The following ATP8B4 variants were observed in gnomAD, a reference collection of about 807,000 sequenced individuals.
ATP8B4 encodes the protein ATPase phospholipid transporting 8B4 (putative).
A neutral mutation model predicts 145.6 loss-of-function variants in ATP8B4; 133 were observed. That is an observed-to-expected ratio of 0.91 (90% CI 0.79 to 1.05). ATP8B4 has a LOEUF of 1.05. Among genes scored for constraint, ATP8B4 ranks in the 50% least tolerant of loss-of-function variants. The probability of loss-of-function intolerance (pLI) is 0.00; values close to 1 mark genes in which losing one functional copy is unlikely to be tolerated. For synonymous variants in ATP8B4, 507 were observed against 492.9 expected, an observed-to-expected ratio of 1.03 and a Z score of -0.38; for missense variants, 1,458 against 1,425.2, an observed-to-expected ratio of 1.02 and a Z score of -0.37.
intron 1 of ATP8B4, among the ~76,000 whole-genome samples, chr15:50,153,411 T>C (rs2044371258): frequency 6.6e-6 from 1 of 150,972 alleles, no homozygotes; most frequent in Non-Finnish European, 1.5e-5. Flanking sequence ...CGATCTCAGC[T>C]CACTGCAACC....
intron 5 of ATP8B4, among the ~76,000 whole-genome samples, chr15:50,040,481 T>C (rs544798111): frequency 6.6e-6 from 1 of 152,354 alleles, no homozygotes; most frequent in African/African-American, 2.4e-5. Flanking sequence ...CTCTGTGTTT[T>C]GCCAAGACCC....
intron 10 of ATP8B4, among the ~76,000 whole-genome samples, chr15:49,986,934 T>C (rs2046657838): frequency 7.8e-6 from 1 of 128,458 alleles, no homozygotes. Flanking sequence ...GAAAAAGCTA[T>C]GGAGTATAAA....
intron 6 of ATP8B4, among the ~76,000 whole-genome samples, chr15:50,022,406 G>C (rs537520698): frequency 6.6e-6 from 1 of 152,246 alleles, no homozygotes; most frequent in East Asian, 1.9e-4. Flanking sequence ...CAAACTGTGA[G>C]TTATGAAAAC....
chr15:49,972,895 AG>A, intron 12 of ATP8B4, 105 bp from the exon 13 acceptor site: 1 of 1,113,052 alleles, frequency 9.0e-7, no homozygotes, highest in Non-Finnish European at 1.3e-6. Context: ...CAGGGGTTAG[AG>A]GAAAATGTGG....
At chr15:49,996,043 C>A (rs74379364) in intron 9 of ATP8B4, among the ~76,000 whole-genome samples, 1 of 151,714 alleles carries the variant, frequency 6.6e-6, no homozygotes, top group Non-Finnish European at 1.5e-5. Flanking sequence ...CAGAATAGAA[C>A]GAGATATAGG....
At chr15:50,043,574 C>T (rs2051475039) in intron 5 of ATP8B4, among the ~76,000 whole-genome samples, 1 of 152,202 alleles carries the variant, frequency 6.6e-6, no homozygotes, top group Non-Finnish European at 1.5e-5. Context: ...TGATGATCTA[C>T]TTCCACTTAA....
chr15:50,038,893 C>A (rs891235232), intron 5 of ATP8B4, 64 bp from the exon 6 acceptor site: 135 of 1,371,304 alleles, frequency 9.8e-5, no homozygotes, highest in Admixed American at 3.9e-4. Flanking sequence ...CAAATAAGCA[C>A]ACTGGCAATA....
intron 26 of ATP8B4, among the ~76,000 whole-genome samples, chr15:49,865,458 C>T (rs2032626308): frequency 6.6e-6 from 1 of 152,290 alleles, no homozygotes; most frequent in African/African-American, 2.4e-5. Flanking sequence ...GGGGAAACCC[C>T]AATTTATAGC....
At chr15:49,941,509 T>C (rs917370420) in intron 14 of ATP8B4, among the ~76,000 whole-genome samples, 10 of 151,986 alleles carry the variant, frequency 6.6e-5, no homozygotes, top group African/African-American at 2.4e-4. Context: ...AATTAACTGA[T>C]CAAAGAAAAA....
Position 49,934,088 on chromosome 15 carries a change from T to C in ATP8B4, c.1382A>G (p.Asp461Gly). The C allele has an allele frequency of 6.2e-7, 1 of 1,612,914 alleles. No homozygotes were observed. The highest frequency in any genetic ancestry group is 8.5e-7 in the Non-Finnish European group (1 of 1,179,266). Residue 461 changes from aspartate to glycine, a missense_variant, in exon 15 of 28, where the codon GAT (aspartate) becomes GGT (glycine). By Grantham distance (94) the Asp-to-Gly change is moderately conservative (BLOSUM62 -1). Coordinates refer to ENST00000284509, the MANE Select transcript of ATP8B4 (RefSeq NM_024837.4). ...HHLMESIKMG[D>G]PKVHEFLRLL... ...CCTAAGGAATTCATGAACTTTGGGA[T>C]CACCCATTTTAATGGATTCCATCAG...
Position 50,047,451 on chromosome 15 carries a change from T to C in ATP8B4, c.101A>G (p.His34Arg). 6.4e-7 allele frequency: 1 copy of C among 1,563,854 alleles called. No homozygotes were observed. Among genetic ancestry groups the C allele is most frequent in the Non-Finnish European group, 8.8e-7 (1 of 1,134,482 alleles). ...EKFQYADNRI[H>R]TSKYNILTFL... is the part of the protein sequence containing the mutation. ...GGTGAGAATATTATATTTCGATGTG[T>C]GGATACGATTATCCTGGAAAAGAAA... The change falls in exon 4 of 28, where the codon CAC (histidine) becomes CGC (arginine). Residue 34 changes from histidine to arginine, a missense_variant. Coordinates refer to ENST00000284509, the MANE Select transcript of ATP8B4 (RefSeq NM_024837.4).
chr15:49,987,254 T>A (rs1567148363), intron 10 of ATP8B4, 137 bp downstream of exon 10: 1 of 1,082,102 alleles, frequency 9.2e-7, no homozygotes. Flanking sequence ...CATCCTACAA[T>A]CTTAAGTCAA....
chr15:50,093,531 C>A (rs532654751), intron 2 of ATP8B4, among the ~76,000 whole-genome samples: 19 of 151,966 alleles, frequency 1.3e-4, no homozygotes, highest in African/African-American at 4.6e-4. Flanking sequence ...ACCAAGCTAA[C>A]AGGTGGTTGG....
intron 7 of ATP8B4, among the ~76,000 whole-genome samples, chr15:50,006,489 CA>C (rs750033683): frequency 0.017 from 800 of 47,824 alleles, 6 homozygotes; most frequent in African/African-American, 0.046. Flanking sequence ...ATGAGACCAC[CA>C]AAAAAAAAAA....
chr15:49,961,900 C>A, intron 14 of ATP8B4, 77 bp downstream of exon 14: 1 of 1,279,490 alleles, frequency 7.8e-7, no homozygotes, highest in Non-Finnish European at 1.1e-6. Context: ...AATCAGGACA[C>A]TAAAAGTTTA....
chr15:50,160,720 G>C (rs1306439133), intron 1 of ATP8B4, among the ~76,000 whole-genome samples: 7 of 151,502 alleles, frequency 4.6e-5, no homozygotes, highest in South Asian at 2.1e-4. Flanking sequence ...TTTTTATTCT[G>C]TTGTGGTCAG....
intron 24 of ATP8B4, among the ~76,000 whole-genome samples, chr15:49,878,893 T>C (rs535086315): frequency 2.0e-5 from 3 of 152,332 alleles, no homozygotes; most frequent in East Asian, 3.9e-4. Context: ...CTGCAGGTGT[T>C]AGCCCCCTGT....
chr15:50,146,214 A>G (rs2044275335), intron 1 of ATP8B4, among the ~76,000 whole-genome samples: 1 of 152,136 alleles, frequency 6.6e-6, no homozygotes, highest in Non-Finnish European at 1.5e-5. Context: ...GGGTTTCACC[A>G]TCTTGGCCAG....
intron 3 of ATP8B4, among the ~76,000 whole-genome samples, chr15:50,070,214 C>G (rs531984217): frequency 6.6e-6 from 1 of 152,130 alleles, no homozygotes; most frequent in Non-Finnish European, 1.5e-5. Context: ...AAATTCATTT[C>G]CATCTGGAGT....
Sources: allele counts gnomAD v4.1 joint callset (sites outside exome capture counted in the v4.1 genomes callset), GRCh38; gene constraint gnomAD v4.1.1; transcripts MANE v1.5; gene names NCBI Gene and HGNC (gene_info 2026-07-23, HGNC 2026-07-21).